The following SLC26A7 variants were observed in gnomAD, a reference collection of about 807,000 sequenced individuals.
SLC26A7 encodes anion exchange transporter.
A neutral mutation model predicts 82.5 loss-of-function variants in SLC26A7; 59 were observed. That is an observed-to-expected ratio of 0.72 (90% CI 0.58 to 0.89). The LOEUF (loss-of-function observed/expected upper bound fraction) is 0.89, where lower values mean the gene tolerates loss of function less well. Among genes scored for constraint, SLC26A7 ranks in the 40% least tolerant of loss-of-function variants. The pLI, the probability that SLC26A7 is intolerant of heterozygous loss-of-function variation, is 0.00. For synonymous variants in SLC26A7, 271 were observed against 274.3 expected, an observed-to-expected ratio of 0.99 and a Z score of 0.12; for missense variants, 820 against 793.0, an observed-to-expected ratio of 1.03 and a Z score of -0.41.
chr8:91,249,868 C>T (rs1418992795), intron 2 of SLC26A7, 24 bp downstream of exon 2: 1 of 1,553,902 alleles, frequency 6.4e-7, no homozygotes, highest in Admixed American at 1.9e-5. Context: ...TTTGAGTTTC[C>T]TGTATTATGC....
At chr8:91,212,844 A>T (rs1809955894) in intron 1 of SLC26A7, among the ~76,000 whole-genome samples, 1 of 152,214 alleles carries the variant, frequency 6.6e-6, no homozygotes, top group Non-Finnish European at 1.5e-5. Flanking sequence ...TAAAATGGAT[A>T]TATATTTCTT....
At chr8:91,373,003 G>C (rs1380835168) in intron 15 of SLC26A7, among the ~76,000 whole-genome samples, 2 of 151,730 alleles carry the variant, frequency 1.3e-5, no homozygotes, top group Non-Finnish European at 3.0e-5. Flanking sequence ...ATAGGATTGA[G>C]TTCTTGATTT....
intron 2 of SLC26A7, among the ~76,000 whole-genome samples, chr8:91,268,952 A>T (rs1484605199): frequency 6.6e-6 from 1 of 151,868 alleles, no homozygotes; most frequent in Admixed American, 6.6e-5. Flanking sequence ...ACAAAAAAAA[A>T]ACTAACAAAA....
chr8:91,241,649 G>T lies in SLC26A7; in HGVS notation c.-33-7970G>T, dbSNP rs557043664. Reference sequence around the variant, plus strand: ...TTTCTAAATAATATACATGAGAGTTGTTTGGTTATTTTTGAACTTTGCACA... The same window carrying T: ...TTTCTAAATAATATACATGAGAGTTTTTTGGTTATTTTTGAACTTTGCACA... On this transcript the variant is annotated intron_variant, in intron 2 of 5. Coordinates refer to the SLC26A7 transcript ENST00000522862. Among the ~76,000 whole-genome samples the T allele has an allele frequency of 2.6e-5, 4 of 152,136 alleles. No individual in the cohort carries two copies. The East Asian group carries it at 7.7e-4, about 29-fold the overall frequency.
chr8:91,225,803 C>T (rs1409481397), intron 2 of SLC26A7, among the ~76,000 whole-genome samples: 1 of 151,894 alleles, frequency 6.6e-6, no homozygotes, highest in Non-Finnish European at 1.5e-5. Context: ...CTCCTTTCTA[C>T]TCCTGTCCTT....
At chr8:91,321,527 A>G (rs1285762008) in intron 5 of SLC26A7, among the ~76,000 whole-genome samples, 1 of 152,196 alleles carries the variant, frequency 6.6e-6, no homozygotes, top group Non-Finnish European at 1.5e-5. Flanking sequence ...ATGCCCTTCG[A>G]GAATTTCTAG....
chr8:91,238,860 C>T (rs376417578), intron 2 of SLC26A7, among the ~76,000 whole-genome samples: 9 of 151,846 alleles, frequency 5.9e-5, no homozygotes, highest in South Asian at 2.1e-4. Context: ...AGACGTTGGA[C>T]GTATATATTT....
At chr8:91,362,319 G>A (rs761638839) in intron 11 of SLC26A7, 34 bp from the exon 12 acceptor site, 1 of 1,507,624 alleles carries the variant, frequency 6.6e-7, no homozygotes, top group Non-Finnish European at 9.2e-7. Context: ...AATTCCAAAG[G>A]ATTCACAACT....
chr8:91,340,702 C>A (rs1563688275), intron 8 of SLC26A7, 151 bp downstream of exon 8: 15 of 895,688 alleles, frequency 1.7e-5, no homozygotes, highest in Non-Finnish European at 2.0e-5. Flanking sequence ...ATATCAAAAT[C>A]ATTCATAGGA....
intron 2 of SLC26A7, among the ~76,000 whole-genome samples, chr8:91,267,193 A>G (rs1328952804): frequency 6.6e-6 from 1 of 151,534 alleles, no homozygotes; most frequent in Non-Finnish European, 1.5e-5. Flanking sequence ...AGGCATATTG[A>G]CATTCCCCCC....
At chr8:91,259,846 C>T (rs2130713619) in intron 2 of SLC26A7, among the ~76,000 whole-genome samples, 1 of 152,200 alleles carries the variant, frequency 6.6e-6, no homozygotes, top group Non-Finnish European at 1.5e-5. Context: ...GTCCAATCTC[C>T]ACCCTAGATT....
intron 15 of SLC26A7, among the ~76,000 whole-genome samples, chr8:91,378,481 T>G (rs1388119570): frequency 1.4e-5 from 2 of 146,890 alleles, no homozygotes; most frequent in Non-Finnish European, 3.0e-5. Flanking sequence ...ATTTATATAT[T>G]AAATTGATAT....
intron 13 of SLC26A7, 97 bp downstream of exon 13, chr8:91,363,635 T>A: frequency 1.5e-6 from 1 of 670,498 alleles, no homozygotes; most frequent in Non-Finnish European, 2.4e-6. Flanking sequence ...TTATGATAGT[T>A]AAAAATATAA....
Position 91,393,919 on chromosome 8 carries a change from C to G in SLC26A7, c.1832-17C>G. Reference sequence around the variant, plus strand: ...CACTTCCACATGTATTCTTATATCACTTGTGCTTTCTTGAAGCTTCCTTGA... The same window carrying G: ...CACTTCCACATGTATTCTTATATCAGTTGTGCTTTCTTGAAGCTTCCTTGA... On this transcript the variant is annotated splice_polypyrimidine_tract_variant and intron_variant, in intron 17 of 18. Coordinates refer to ENST00000276609, the MANE Select transcript of SLC26A7 (RefSeq NM_052832.4). 1 of 1,612,574 alleles carries G rather than the reference C, an allele frequency of 6.2e-7. No homozygotes were observed. Among genetic ancestry groups the G allele is most frequent in the Non-Finnish European group, 8.5e-7 (1 of 1,178,798 alleles).
At chr8:91,302,608 T>C (rs1012352173) in intron 4 of SLC26A7, among the ~76,000 whole-genome samples, 3 of 152,170 alleles carry the variant, frequency 2.0e-5, no homozygotes, top group Non-Finnish European at 4.4e-5. Context: ...ATTTAGAATG[T>C]ACAATTTGAT....
chr8:91,267,813 T>C (rs1811156762), intron 2 of SLC26A7, among the ~76,000 whole-genome samples: 2 of 151,862 alleles, frequency 1.3e-5, no homozygotes, highest in Non-Finnish European at 2.9e-5. Context: ...TAGCTGTTTT[T>C]CTAGTTTGTT....
At chr8:91,230,005 C>T (rs1032807824) in intron 2 of SLC26A7, among the ~76,000 whole-genome samples, 1 of 152,106 alleles carries the variant, frequency 6.6e-6, no homozygotes, top group African/African-American at 2.4e-5. Flanking sequence ...TATTTTTTTC[C>T]ACCATAGATT....
intron 4 of SLC26A7, among the ~76,000 whole-genome samples, chr8:91,315,225 C>T (rs1053909659): frequency 6.6e-6 from 1 of 152,152 alleles, no homozygotes; most frequent in Non-Finnish European, 1.5e-5. Context: ...TTTGCCACTT[C>T]AAAGATTTGG....
chr8:91,377,880 C>G (rs538988928), intron 15 of SLC26A7, among the ~76,000 whole-genome samples: 20 of 152,250 alleles, frequency 1.3e-4, no homozygotes, highest in African/African-American at 4.8e-4. Context: ...GCTCTCTTCC[C>G]TCAATATTCC....
Sources: allele counts gnomAD v4.1 joint callset (sites outside exome capture counted in the v4.1 genomes callset), GRCh38; gene constraint gnomAD v4.1.1; transcripts MANE v1.5; gene names NCBI Gene and HGNC (gene_info 2026-07-23, HGNC 2026-07-21).